SLC14A2: variants seen among roughly 807,000 people sequenced by gnomAD.
The protein encoded by SLC14A2 is solute carrier family 14 member 2.
In SLC14A2, 91 loss-of-function variants were observed where a neutral mutation model predicts 104.6. The ratio of observed to expected loss-of-function variants is 0.87; its 90% CI spans 0.73 to 1.04. SLC14A2 has a LOEUF of 1.04. SLC14A2 is among the 50% of genes least tolerant of loss of function. The pLI, the probability that SLC14A2 is intolerant of heterozygous loss-of-function variation, is 0.00. For synonymous variants in SLC14A2, 476 were observed against 466.4 expected, an observed-to-expected ratio of 1.02 and a Z score of -0.27; for missense variants, 1,189 against 1,156.0, an observed-to-expected ratio of 1.03 and a Z score of -0.41.
intron 2 of SLC14A2, chr18:45,483,547 C>T (rs1006428577): frequency 3.3e-5 from 5 of 151,978 alleles, no homozygotes; most frequent in African/African-American, 1.2e-4. Flanking sequence ...ATGCTCATCT[C>T]CTCTGAAAAA....
chr18:45,206,913 A>G, the SLC14A2 span, among the ~76,000 whole-genome samples: 1 of 152,206 alleles, frequency 6.6e-6, no homozygotes, highest in Non-Finnish European at 1.5e-5. Flanking sequence ...TATGGACTCC[A>G]AGAGTATTCT....
intron 1 of SLC14A2, among the ~76,000 whole-genome samples, chr18:45,396,040 C>T (rs1002578009): frequency 3.3e-5 from 5 of 152,138 alleles, no homozygotes; most frequent in Admixed American, 2.0e-4. Context: ...TAGCATATCC[C>T]ACAACTGGAG....
At position 45,330,070 on chromosome 18, in the gene SLC14A2, T is replaced by C. The variant is rs752244172; in HGVS notation, c.-125+116879T>C. Among the ~76,000 whole-genome samples, 33 of 152,266 alleles carry C rather than the reference T, an allele frequency of 2.2e-4. 1 individual carries two copies. Among genetic ancestry groups the C allele is most frequent in the Non-Finnish European group, 4.1e-4 (28 of 68,018 alleles). On this transcript the variant is annotated intron_variant, in intron 1 of 20. Transcript: ENST00000586448. ...GTTCTACAGAAGAGGAAACTAAGGC[T>C]CAAAGAATTAAATAATTTTGGATTT...
intron 1 of SLC14A2, among the ~76,000 whole-genome samples, chr18:45,377,412 C>T (rs1345342305): frequency 6.6e-6 from 1 of 152,124 alleles, no homozygotes; most frequent in East Asian, 1.9e-4. Flanking sequence ...CTAATCCCAA[C>T]TCATCTGAAA....
At chr18:45,403,967 C>A (rs1352920706) in intron 1 of SLC14A2, among the ~76,000 whole-genome samples, 3 of 152,182 alleles carry the variant, frequency 2.0e-5, no homozygotes, top group African/African-American at 7.2e-5. Flanking sequence ...CTGTCCACAC[C>A]AAGCATCTTG....
chr18:45,445,106 C>CATTT (rs2086744433), intron 1 of SLC14A2, among the ~76,000 whole-genome samples: 1 of 94,748 alleles, frequency 1.1e-5, no homozygotes, highest in Non-Finnish European at 2.0e-5. Context: ...AATTGACATG[C>CATTT]TTTTTTTTTT....
intron 1 of SLC14A2, among the ~76,000 whole-genome samples, chr18:45,616,606 T>C (rs1479043752): frequency 1.3e-5 from 2 of 152,160 alleles, no homozygotes; most frequent in East Asian, 3.9e-4. Context: ...GGAAATCAGC[T>C]AGAAGGTGAC....
At chr18:45,458,120 T>C (rs534791586) in intron 1 of SLC14A2, among the ~76,000 whole-genome samples, 1 of 152,158 alleles carries the variant, frequency 6.6e-6, no homozygotes, top group Non-Finnish European at 1.5e-5. Context: ...TGAAGGGAGA[T>C]AGACAGAGAA....
intron 1 of SLC14A2, among the ~76,000 whole-genome samples, chr18:45,310,025 A>G (rs1307219313): frequency 6.6e-6 from 1 of 151,946 alleles, no homozygotes; most frequent in Non-Finnish European, 1.5e-5. Context: ...ATTCATCCAT[A>G]TCGATGCGTA....
intron 2 of SLC14A2, among the ~76,000 whole-genome samples, chr18:45,590,428 A>G (rs552871649): frequency 7.2e-5 from 11 of 152,292 alleles, no homozygotes; most frequent in East Asian, 3.9e-4. Flanking sequence ...TATAATTCAC[A>G]TCGTAAAACT....
intron 2 of SLC14A2, among the ~76,000 whole-genome samples, chr18:45,506,215 C>G (rs2852313): frequency 0.8 from 121,336 of 152,068 alleles, 49,405 homozygotes; most frequent in Non-Finnish European, 0.89. Flanking sequence ...CCTGCTCCCA[C>G]TAGCCTTTGA....
At chr18:45,184,005 C>T in the SLC14A2 span, among the ~76,000 whole-genome samples, 8 of 137,570 alleles carry the variant, frequency 5.8e-5, no homozygotes, top group Non-Finnish European at 1.1e-4. Context: ...CCTCCAATCT[C>T]GGGCTCCCAA....
chr18:45,410,144 T>A (rs1211763197), intron 1 of SLC14A2, among the ~76,000 whole-genome samples: 1 of 152,142 alleles, frequency 6.6e-6, no homozygotes, highest in East Asian at 1.9e-4. Context: ...GCTGCTGATC[T>A]GACAGGAGGC....
In SLC14A2 at chr18:45,682,820, C is replaced by G; in HGVS notation, c.*301C>G. ...CCTTAAAGAGAAGTCACCGGCCGGG[C>G]ACGGTGGCTCACGCCTGTAATCCCA... On this transcript the variant is annotated 3_prime_UTR_variant, in exon 20 of 20. Transcript: ENST00000255226. 3.1e-6 allele frequency: 1 copy of G among 326,838 alleles called. No homozygotes were observed. Among genetic ancestry groups the G allele is most frequent in the Non-Finnish European group, 5.9e-6 (1 of 168,138 alleles). 20.2% of individuals were successfully genotyped at this position (326,838 alleles called of 1,614,324 possible). A position where few individuals can be genotyped will look rare whatever the true frequency, so the allele number is the denominator to read the frequency against.
chr18:45,244,801 A>G (rs1294187217), intron 1 of SLC14A2, among the ~76,000 whole-genome samples: 5 of 152,222 alleles, frequency 3.3e-5, no homozygotes, highest in Non-Finnish European at 7.3e-5. Context: ...CAGAAAAAAT[A>G]AGAAAGACAG....
chr18:45,247,936 G>A (rs918912796), intron 1 of SLC14A2, among the ~76,000 whole-genome samples: 8 of 152,080 alleles, frequency 5.3e-5, no homozygotes, highest in African/African-American at 1.9e-4. Flanking sequence ...TGGTGTCCCT[G>A]GGGCCCATAA....
the SLC14A2 span, among the ~76,000 whole-genome samples, chr18:45,171,783 T>C: frequency 6.6e-6 from 1 of 152,152 alleles, no homozygotes; most frequent in Non-Finnish European, 1.5e-5. Context: ...AACAATTTAT[T>C]AGGACCTGGT....
At chr18:45,606,065 GA>G (rs2044861380) in intron 2 of SLC14A2, among the ~76,000 whole-genome samples, 2 of 152,106 alleles carry the variant, frequency 1.3e-5, no homozygotes, top group African/African-American at 4.8e-5. Flanking sequence ...CATCCAGCTG[GA>G]GGCGGGGAGG....
At chr18:45,424,997 A>G (rs973043357) in intron 1 of SLC14A2, among the ~76,000 whole-genome samples, 5 of 152,224 alleles carry the variant, frequency 3.3e-5, no homozygotes, top group Admixed American at 2.0e-4. Context: ...CTAATCATTC[A>G]GCAAACCCTC....
Sources: gnomAD v4.1 joint callset for allele counts (sites outside exome capture counted in the v4.1 genomes callset) on GRCh38, gnomAD v4.1.1 for gene constraint, MANE v1.5 for transcripts, NCBI Gene and HGNC (gene_info 2026-07-23, HGNC 2026-07-21) for gene names.